Variants in SOCS6 observed in about 807,000 individuals in gnomAD.
The protein encoded by SOCS6 is STAT induced STAT inhibitor-4.
SOCS6 carries 5 observed loss-of-function variants against 27.7 expected under a neutral mutation model. The ratio of observed to expected loss-of-function variants is 0.18; its 90% CI spans 0.09 to 0.38. SOCS6 has a LOEUF of 0.38. SOCS6 is among the 10% of genes least tolerant of loss of function. The pLI, the probability that SOCS6 is intolerant of heterozygous loss-of-function variation, is 1.00. For missense variants in SOCS6, 595 were observed against 688.1 expected, an observed-to-expected ratio of 0.86 and a Z score of 1.51; for synonymous variants, 271 against 260.0, an observed-to-expected ratio of 1.04 and a Z score of -0.41.
intron 1 of SOCS6, among the ~76,000 whole-genome samples, chr18:70,299,998 TACCGAGGGATG>T (rs891897515): frequency 6.6e-6 from 1 of 152,200 alleles, no homozygotes; most frequent in Admixed American, 6.5e-5. Flanking sequence ...CCCCCATGAA[TACCGAGGGATG>T]ACCGTATACG....
At chr18:70,308,241 A>G (rs566247522) in intron 1 of SOCS6, among the ~76,000 whole-genome samples, 36 of 152,292 alleles carry the variant, frequency 2.4e-4, no homozygotes, top group African/African-American at 8.7e-4. Context: ...TTTTGGAGAC[A>G]GTCTTGCTCT....
chr18:70,299,674 T>A (rs2062339785), intron 1 of SOCS6, among the ~76,000 whole-genome samples: 1 of 152,168 alleles, frequency 6.6e-6, no homozygotes, highest in Non-Finnish European at 1.5e-5. Context: ...CATTAACAGT[T>A]GTGATTGAAA....
intron 1 of SOCS6, among the ~76,000 whole-genome samples, chr18:70,321,537 T>C (rs1250159207): frequency 6.7e-6 from 1 of 149,044 alleles, no homozygotes; most frequent in Non-Finnish European, 1.5e-5. Context: ...TTTCACCACG[T>C]TGGCCAGGCT....
At chr18:70,292,533 G>A (rs1372046668) in intron 1 of SOCS6, among the ~76,000 whole-genome samples, 3 of 152,104 alleles carry the variant, frequency 2.0e-5, no homozygotes, top group Non-Finnish European at 4.4e-5. Context: ...ATTTTTGGTA[G>A]AGATGGGGTT....
At chr18:70,299,949 A>G (rs2062340935) in intron 1 of SOCS6, among the ~76,000 whole-genome samples, 1 of 152,088 alleles carries the variant, frequency 6.6e-6, no homozygotes, top group Admixed American at 6.5e-5. Flanking sequence ...TATATAAGGG[A>G]CTTGAGCATT....
intron 1 of SOCS6, among the ~76,000 whole-genome samples, chr18:70,320,972 A>G (rs773585869): frequency 4.6e-5 from 7 of 152,178 alleles, no homozygotes; most frequent in Admixed American, 1.3e-4. Flanking sequence ...GTATATTGTC[A>G]TTTTAAAATA....
At chr18:70,300,574 A>G (rs145790636) in intron 1 of SOCS6, among the ~76,000 whole-genome samples, 1 of 152,356 alleles carries the variant, frequency 6.6e-6, no homozygotes, top group African/African-American at 2.4e-5. Flanking sequence ...GCTCATGGGA[A>G]AGTTGTTCAT....
intron 1 of SOCS6, among the ~76,000 whole-genome samples, chr18:70,309,911 C>A (rs1600158221): frequency 6.6e-6 from 1 of 152,192 alleles, no homozygotes. Flanking sequence ...GTCTCGAACT[C>A]CTGACCTCAA....
At chr18:70,311,449 C>T (rs1200760114) in intron 1 of SOCS6, among the ~76,000 whole-genome samples, 7 of 152,114 alleles carry the variant, frequency 4.6e-5, no homozygotes, top group Admixed American at 2.6e-4. Flanking sequence ...TTTCATGATA[C>T]CAAGTAACTG....
chr18:70,300,152 T>TTA (rs1330772987), intron 1 of SOCS6, among the ~76,000 whole-genome samples: 3 of 152,066 alleles, frequency 2.0e-5, no homozygotes, highest in Admixed American at 6.6e-5. Flanking sequence ...TCCTTAAGAC[T>TTA]TAGTCTCTCT....
intron 1 of SOCS6, among the ~76,000 whole-genome samples, chr18:70,301,004 A>C (rs1204609040): frequency 6.6e-6 from 1 of 152,176 alleles, no homozygotes; most frequent in Non-Finnish European, 1.5e-5. Context: ...TGCAAATGTA[A>C]TTCTGTTTTT....
intron 1 of SOCS6, among the ~76,000 whole-genome samples, chr18:70,324,159 G>A (rs1379133751): frequency 6.6e-6 from 1 of 152,064 alleles, no homozygotes; most frequent in Non-Finnish European, 1.5e-5. Context: ...AAACTTAGCT[G>A]AGTGTGGTGG....
chr18:70,292,206 A>G (rs1228130606), intron 1 of SOCS6, among the ~76,000 whole-genome samples: 2 of 152,322 alleles, frequency 1.3e-5, no homozygotes, highest in African/African-American at 2.4e-5. Context: ...CACTCTGGAC[A>G]TGTTGGGGCA....
At chr18:70,309,868 T>C (rs1178234126) in intron 1 of SOCS6, among the ~76,000 whole-genome samples, 3 of 152,148 alleles carry the variant, frequency 2.0e-5, no homozygotes, top group South Asian at 2.1e-4. Context: ...GTGTTTTTAG[T>C]AGAGACAGGA....
At position 70,329,461 on chromosome 18, in the gene SOCS6, G is replaced by GCTA. The variant is rs950797937; in HGVS notation, c.*3187_*3189dup. 8 of 167,088 alleles carry GCTA rather than the reference G, an allele frequency of 4.8e-5. No individual in the cohort carries two copies. Among genetic ancestry groups the GCTA allele is most frequent in the African/African-American group, 1.7e-4 (7 of 41,478 alleles). 10.4% of individuals were successfully genotyped at this position (167,088 alleles called of 1,614,324 possible). ...AGGTTAATGCAATGTCTCTGCTAGTGCTACAAGTCTAAAATATCTTTGTAA... is the reference window on the plus strand; with the variant it reads ...AGGTTAATGCAATGTCTCTGCTAGTGCTACTACAAGTCTAAAATATCTTTGTAA... On this transcript the variant is annotated 3_prime_UTR_variant, in exon 2 of 2. Transcript: ENST00000397942.
intron 1 of SOCS6, among the ~76,000 whole-genome samples, chr18:70,290,731 G>T (rs1421559219): frequency 6.6e-6 from 1 of 152,186 alleles, no homozygotes; most frequent in Non-Finnish European, 1.5e-5. Context: ...CTGGGTAAGG[G>T]TCAGCCAGGT....
chr18:70,324,248 G>T (rs1360461523), intron 1 of SOCS6, among the ~76,000 whole-genome samples: 1 of 151,914 alleles, frequency 6.6e-6, no homozygotes, highest in Non-Finnish European at 1.5e-5. Flanking sequence ...CTTGCAGTGA[G>T]CCGAGATCAC....
chr18:70,314,869 A>G (rs201051231), intron 1 of SOCS6, among the ~76,000 whole-genome samples: 1,363 of 48,412 alleles, frequency 0.028, 6 homozygotes, highest in South Asian at 0.079. Flanking sequence ...TTGTGTGTAT[A>G]TATATATATA....
intron 1 of SOCS6, among the ~76,000 whole-genome samples, chr18:70,315,895 A>G: frequency 6.6e-6 from 1 of 151,446 alleles, no homozygotes; most frequent in East Asian, 1.9e-4. Context: ...TTTGAGATGG[A>G]GTTTCGCTTT....
Sources: allele counts gnomAD v4.1 joint callset (sites outside exome capture counted in the v4.1 genomes callset), GRCh38; gene constraint gnomAD v4.1.1; transcripts MANE v1.5; gene names NCBI Gene and HGNC (gene_info 2026-07-23, HGNC 2026-07-21).